Variants in AIG1 observed in about 807,000 individuals in gnomAD.
AIG1 encodes the protein androgen induced 1.
In AIG1, 23 loss-of-function variants were observed where a neutral mutation model predicts 31.4. The observed-to-expected ratio is 0.73, with a 90% confidence interval of 0.53 to 1.04. The LOEUF is 1.04. Among genes scored for constraint, AIG1 ranks in the 50% least tolerant of loss-of-function variants. The pLI, the probability that AIG1 is intolerant of heterozygous loss-of-function variation, is 0.00. For missense variants in AIG1, 274 were observed against 295.0 expected (o/e 0.93, Z 0.52); for synonymous variants, 100 against 110.5 (o/e 0.90, Z 0.60).
Position 143,279,632 on chromosome 6 carries a change from G to A in AIG1, c.400-4478G>A, listed in dbSNP as rs1219648193. Among the ~76,000 whole-genome samples the A allele has an allele frequency of 2.0e-5, 3 of 152,002 alleles. No individual in the cohort carries two copies. Among genetic ancestry groups the A allele is most frequent in the South Asian group, 2.1e-4 (1 of 4,782 alleles). ...TCTTCTGCAAATAGACCTTTGTCACGGGAGGCTGGTCAGTTCACAGCCTCC... is the reference window on the plus strand; with the variant it reads ...TCTTCTGCAAATAGACCTTTGTCACAGGAGGCTGGTCAGTTCACAGCCTCC... On this transcript the variant is annotated intron_variant, in intron 3 of 5. Transcript: ENST00000357847. This position sits in a 1 kb window ranked among gnomAD's most constrained non-coding sequence, Gnocchi z 5.4.
rs1776805953 is a variant in AIG1, at chr6:143,328,642, G to T, written c.516-4640G>T. Among the ~76,000 whole-genome samples, 1 of 152,072 alleles carries T rather than the reference G, an allele frequency of 6.6e-6. No individual in the cohort carries two copies. Among genetic ancestry groups the T allele is most frequent in the African/African-American group, 2.4e-5 (1 of 41,390 alleles). ...CATTATAGATGTACACAGTTTCAAGGTATATGTGTAATTTAATTCATTCAT... is the reference window on the plus strand; with the variant it reads ...CATTATAGATGTACACAGTTTCAAGTTATATGTGTAATTTAATTCATTCAT... On this transcript the variant is annotated intron_variant, in intron 4 of 5. Transcript: ENST00000357847. The surrounding 1 kb of genome is among the most constrained non-coding windows in gnomAD (Gnocchi z 4.0).
rs1441843794 is a variant in AIG1, at chr6:143,284,587, A to G, written c.515+362A>G. Among the ~76,000 whole-genome samples the G allele has an allele frequency of 6.6e-6, 1 of 152,170 alleles. No homozygotes were observed. The highest frequency in any genetic ancestry group is 1.5e-5 in the Non-Finnish European group (1 of 68,034). Reference sequence around the variant, plus strand: ...TTGGGGGGCAGGGGAGTTGCAGCAAACACAAATGAGAACAGAAGTGACCTC... The same window carrying G: ...TTGGGGGGCAGGGGAGTTGCAGCAAGCACAAATGAGAACAGAAGTGACCTC... On this transcript the variant is annotated intron_variant, in intron 4 of 5. Transcript: ENST00000357847. The surrounding 1 kb of genome is among the most constrained non-coding windows in gnomAD (Gnocchi z 4.4).
At chr6:143,270,603 TC>T (rs1263932245) in intron 3 of AIG1, among the ~76,000 whole-genome samples, 6 of 152,212 alleles carry the variant, frequency 3.9e-5, no homozygotes, top group African/African-American at 1.4e-4. Context: ...TATACTGGGC[TC>T]TAAAGGCCCC....
intron 3 of AIG1, among the ~76,000 whole-genome samples, chr6:143,273,553 G>A (rs867611966): frequency 2.0e-5 from 3 of 151,936 alleles, no homozygotes; most frequent in Non-Finnish European, 4.4e-5. Flanking sequence ...CCATTTTCAC[G>A]CTGCTGATAA....
In AIG1 at chr6:143,338,992, A is replaced by G. The variant is rs966719385; in HGVS notation, c.680-647A>G. ...CATGAAACATCATCGACTATTCTCTACAGACAACAGGCAAAGGTTCTTACT... is the reference window on the plus strand; with the variant it reads ...CATGAAACATCATCGACTATTCTCTGCAGACAACAGGCAAAGGTTCTTACT... On this transcript the variant is annotated intron_variant, in intron 5 of 5. Coordinates refer to ENST00000357847, the MANE Select transcript of AIG1 (RefSeq NM_016108.4). The surrounding 1 kb of genome is among the most constrained non-coding windows in gnomAD (Gnocchi z 4.3). 1.3e-5 allele frequency: 2 copies of G among 152,124 alleles called. No homozygotes were observed. The highest frequency in any genetic ancestry group is 4.8e-5 in the African/African-American group (2 of 41,462). 9.4% of individuals were successfully genotyped at this position (152,124 alleles called of 1,614,324 possible). A position where few individuals can be genotyped will look rare whatever the true frequency, so the allele number is the denominator to read the frequency against.
intron 1 of AIG1, among the ~76,000 whole-genome samples, chr6:143,097,677 C>A (rs1779916461): frequency 6.6e-6 from 1 of 152,182 alleles, no homozygotes; most frequent in South Asian, 2.1e-4. Flanking sequence ...TCTTGGGCAT[C>A]CCTCTCTAAT....
intron 1 of AIG1, among the ~76,000 whole-genome samples, chr6:143,129,290 C>CA (rs1043216087): frequency 1.7e-4 from 26 of 151,096 alleles, no homozygotes; most frequent in African/African-American, 5.3e-4. Context: ...GACTCCGTCT[C>CA]AAAAAAAATA....
intron 3 of AIG1, among the ~76,000 whole-genome samples, chr6:143,192,772 A>G (rs979311460): frequency 1.3e-5 from 2 of 152,218 alleles, no homozygotes; most frequent in African/African-American, 4.8e-5. Context: ...ATAACTGCAC[A>G]AGTAGATGAC....
intron 1 of AIG1, among the ~76,000 whole-genome samples, chr6:143,124,731 G>T (rs1161287033): frequency 6.6e-6 from 1 of 152,228 alleles, no homozygotes; most frequent in Non-Finnish European, 1.5e-5. Flanking sequence ...CAAAGGAGAA[G>T]CAGGTACCTT....
chr6:143,157,283 C>A (rs1335367878), intron 2 of AIG1, among the ~76,000 whole-genome samples: 1 of 152,256 alleles, frequency 6.6e-6, no homozygotes, highest in Non-Finnish European at 1.5e-5. Flanking sequence ...CCAGGCTCCT[C>A]TGGCTTAATT....
chr6:143,285,371 C>T (rs1028819811), intron 4 of AIG1, among the ~76,000 whole-genome samples: 33 of 150,550 alleles, frequency 2.2e-4, no homozygotes, highest in Non-Finnish European at 4.0e-4. Flanking sequence ...TGTGGTAAAG[C>T]TCCTCCCCAG....
chr6:143,322,697 A>G (rs1310992106), intron 4 of AIG1, among the ~76,000 whole-genome samples: 1 of 152,194 alleles, frequency 6.6e-6, no homozygotes, highest in Non-Finnish European at 1.5e-5. Context: ...GTGTTGGAGG[A>G]AAATGTTCTG....
downstream of AIG1, among the ~76,000 whole-genome samples, chr6:143,341,181 A>T (rs557017435): frequency 1.3e-5 from 2 of 152,222 alleles, no homozygotes; most frequent in East Asian, 3.9e-4. Flanking sequence ...TAGTTTCCTA[A>T]CTCATGGAGC....
chr6:143,256,757 C>G lies in AIG1; in HGVS notation c.400-27353C>G, dbSNP rs371140285. ...ATTCTTATTTTCTTTGTTTGGCACT[C>G]TCTAGATTTTGACACATTAGAAGAA... On this transcript the variant is annotated intron_variant, in intron 3 of 5. Transcript: ENST00000357847. The surrounding 1 kb of genome is among the most constrained non-coding windows in gnomAD (Gnocchi z 4.6). Among the ~76,000 whole-genome samples, 6 of 152,162 alleles carry G rather than the reference C, an allele frequency of 3.9e-5. No individual in the cohort carries two copies. The highest frequency in any genetic ancestry group is 1.2e-4 in the African/African-American group (5 of 41,430).
chr6:143,186,908 C>T (rs1789313070), intron 3 of AIG1: 1 of 164,502 alleles, frequency 6.1e-6, no homozygotes, highest in South Asian at 1.6e-4. Flanking sequence ...TTGTGGGATT[C>T]ACAAGGTTGC....
At chr6:143,271,500 C>T (rs931782568) in intron 3 of AIG1, among the ~76,000 whole-genome samples, 2 of 152,088 alleles carry the variant, frequency 1.3e-5, no homozygotes, top group Non-Finnish European at 2.9e-5. Flanking sequence ...TGCTAGTAGA[C>T]GTTTGCCAAT....
chr6:143,222,290 T>G (rs1038748434), intron 3 of AIG1, among the ~76,000 whole-genome samples: 6 of 152,110 alleles, frequency 3.9e-5, no homozygotes, highest in Non-Finnish European at 7.4e-5. Flanking sequence ...TTCTGTCTGT[T>G]CCCCCATAGC....
chr6:143,221,950 G>A (rs1792551849), intron 3 of AIG1, among the ~76,000 whole-genome samples: 1 of 152,180 alleles, frequency 6.6e-6, no homozygotes. Flanking sequence ...TGATAAGGTA[G>A]AAATAGCAAC....
At chr6:143,120,485 G>A (rs952748138) in intron 1 of AIG1, among the ~76,000 whole-genome samples, 2 of 152,172 alleles carry the variant, frequency 1.3e-5, no homozygotes, top group African/African-American at 4.8e-5. Flanking sequence ...AGGAGCAAAG[G>A]CATGTCTTAC....
Sources: allele counts gnomAD v4.1 joint callset (sites outside exome capture counted in the v4.1 genomes callset), GRCh38; gene constraint gnomAD v4.1.1; non-coding constraint Gnocchi (gnomAD v3.1); transcripts MANE v1.5; gene names NCBI Gene and HGNC (gene_info 2026-07-23, HGNC 2026-07-21).